SNTG2: variants seen among roughly 807,000 people sequenced by gnomAD.
The protein encoded by SNTG2 is gamma-2-syntrophin.
A neutral mutation model predicts 70.9 loss-of-function variants in SNTG2; 74 were observed. The ratio of observed to expected loss-of-function variants is 1.04; its 90% confidence interval spans 0.86 to 1.27. The LOEUF is 1.27. Ranked by LOEUF, SNTG2 falls within the 50% of genes most tolerant of loss-of-function variation. The pLI, the probability that SNTG2 is intolerant of heterozygous loss-of-function variation, is 0.00. For synonymous variants in SNTG2, 278 were observed against 273.8 expected, an observed-to-expected ratio of 1.02 and a Z score of -0.15; for missense variants, 717 against 690.7, an observed-to-expected ratio of 1.04 and a Z score of -0.43.
intron 1 of SNTG2, among the ~76,000 whole-genome samples, chr2:958,063 G>A (rs2147942783): frequency 6.6e-6 from 1 of 152,136 alleles, no homozygotes; most frequent in African/African-American, 2.4e-5. Flanking sequence ...CTCTTTGGAG[G>A]GCTTCGTTCC....
intron 1 of SNTG2, among the ~76,000 whole-genome samples, chr2:1,045,362 G>A (rs1661675178): frequency 6.6e-6 from 1 of 151,720 alleles, no homozygotes; most frequent in East Asian, 1.9e-4. Context: ...ATCTCCTATG[G>A]TTTTTCACAT....
intron 16 of SNTG2, among the ~76,000 whole-genome samples, chr2:1,327,134 C>G (rs1360843728): frequency 6.6e-6 from 1 of 151,940 alleles, no homozygotes; most frequent in Non-Finnish European, 1.5e-5. Context: ...CTCTTAGTAG[C>G]CTTAATGTAT....
At chr2:1,230,914 G>A (rs1278472745) in intron 9 of SNTG2, among the ~76,000 whole-genome samples, 1 of 152,126 alleles carries the variant, frequency 6.6e-6, no homozygotes, top group Non-Finnish European at 1.5e-5. Flanking sequence ...TAGGGTCACT[G>A]CGAGGGTGAA....
intron 14 of SNTG2, among the ~76,000 whole-genome samples, chr2:1,302,250 C>T (rs184564263): frequency 2.4e-4 from 37 of 152,110 alleles, no homozygotes; most frequent in South Asian, 2.1e-3. Context: ...TGAGCCACCG[C>T]GCCCGGCCTG....
chr2:1,224,077 A>G (rs1266608037), intron 9 of SNTG2, among the ~76,000 whole-genome samples: 2 of 152,188 alleles, frequency 1.3e-5, no homozygotes, highest in Admixed American at 6.5e-5. Context: ...CTGTGGAGGA[A>G]GGGGTGAGGG....
intron 1 of SNTG2, among the ~76,000 whole-genome samples, chr2:985,112 A>G (rs536455759): frequency 2.4e-4 from 36 of 152,232 alleles, no homozygotes; most frequent in Admixed American, 2.1e-3. Flanking sequence ...GCAAATATAT[A>G]TCACTCTCAT....
intron 13 of SNTG2, among the ~76,000 whole-genome samples, chr2:1,261,611 G>A (rs1239154498): frequency 6.6e-6 from 1 of 152,090 alleles, no homozygotes; most frequent in African/African-American, 2.4e-5. Flanking sequence ...ACTATGGAGC[G>A]TCCTGTGTGA....
intron 1 of SNTG2, among the ~76,000 whole-genome samples, chr2:1,002,411 G>A (rs4260278): frequency 0.087 from 13,177 of 151,938 alleles, 763 homozygotes; most frequent in South Asian, 0.21. Flanking sequence ...AATAACAAAA[G>A]CAACCACTTA....
At chr2:1,098,800 C>T (rs113032921) in intron 4 of SNTG2, among the ~76,000 whole-genome samples, 337 of 152,294 alleles carry the variant, frequency 2.2e-3, no homozygotes, top group African/African-American at 7.8e-3. Flanking sequence ...AGCCTAAGAA[C>T]GTAATGAGCC....
rs1213879628 is a variant in SNTG2, at chr2:1,015,276, A to AT, written c.72+64208_72+64209insT. ...CCTCAAATGGATTCAATGTCTAGTTAAAGGCTTGATAGAAGGGATTTTTAG... is the reference window on the plus strand; with the variant it reads ...CCTCAAATGGATTCAATGTCTAGTTATAAGGCTTGATAGAAGGGATTTTTAG... On this transcript the variant is annotated intron_variant, in intron 1 of 16. Coordinates refer to ENST00000308624, the MANE Select transcript of SNTG2 (RefSeq NM_018968.4). 2.6e-5 allele frequency among the ~76,000 whole-genome samples: 4 copies of AT among 152,224 alleles called. No individual in the cohort carries two copies. In the East Asian group the frequency reaches 7.7e-4, roughly 29 times the overall value.
chr2:1,129,713 A>G (rs1667905992), intron 4 of SNTG2, among the ~76,000 whole-genome samples: 2 of 152,154 alleles, frequency 1.3e-5, no homozygotes, highest in African/African-American at 2.4e-5. Flanking sequence ...GGAAACCTCA[A>G]CCACTTCTGG....
chr2:1,093,040 C>T (rs1217374771), intron 2 of SNTG2, among the ~76,000 whole-genome samples: 3 of 152,134 alleles, frequency 2.0e-5, no homozygotes, highest in South Asian at 4.2e-4. Flanking sequence ...TTTTATGATA[C>T]ATTCGATTGT....
At chr2:1,044,882 G>A (rs769414030) in intron 1 of SNTG2, among the ~76,000 whole-genome samples, 5 of 152,018 alleles carry the variant, frequency 3.3e-5, no homozygotes, top group African/African-American at 1.2e-4. Flanking sequence ...AGAGGTTTTG[G>A]TATGATGCTG....
chr2:1,180,454 AAC>A (rs1321581819), intron 8 of SNTG2, among the ~76,000 whole-genome samples: 1 of 130,558 alleles, frequency 7.7e-6, no homozygotes, highest in South Asian at 2.6e-4. Flanking sequence ...GCAGCCAAAA[AAC>A]ACATGAAAAA....
chr2:977,028 T>C (rs936390134), intron 1 of SNTG2, among the ~76,000 whole-genome samples: 11 of 152,164 alleles, frequency 7.2e-5, no homozygotes, highest in Non-Finnish European at 5.9e-5. Context: ...GCAGACACCA[T>C]CGTATATGCC....
At chr2:1,041,328 T>C (rs1661422974) in intron 1 of SNTG2, among the ~76,000 whole-genome samples, 1 of 152,238 alleles carries the variant, frequency 6.6e-6, no homozygotes, top group Non-Finnish European at 1.5e-5. Context: ...TTTTAAAAGC[T>C]TTCAACTTAA....
At chr2:1,297,227 T>C (rs1206444940) in intron 14 of SNTG2, among the ~76,000 whole-genome samples, 4 of 152,252 alleles carry the variant, frequency 2.6e-5, no homozygotes, top group Admixed American at 2.6e-4. Flanking sequence ...AATAAGCTTT[T>C]CTGTCTTCAT....
At position 1,274,217 on chromosome 2, in the gene SNTG2, G is replaced by A. The variant is rs73908804; in HGVS notation, c.1284+6646G>A. 4.5e-3 allele frequency among the ~76,000 whole-genome samples: 688 copies of A among 152,316 alleles called. 5 individuals carry two copies. The highest frequency in any genetic ancestry group is 0.016 in the African/African-American group (658 of 41,558). ...AAAATGGCACACCCAGCTTGACAGT[G>A]TCTTAAATGTAAAGACAAATTCGCC... On this transcript the variant is annotated intron_variant, in intron 14 of 16. Transcript: ENST00000308624.
chr2:1,200,046 C>T (rs1673180013), intron 8 of SNTG2, among the ~76,000 whole-genome samples: 1 of 151,740 alleles, frequency 6.6e-6, no homozygotes, highest in South Asian at 2.1e-4. Context: ...CACAAGAGAG[C>T]ATGAATAGCC....
Sources: allele counts gnomAD v4.1 joint callset (sites outside exome capture counted in the v4.1 genomes callset), GRCh38; gene constraint gnomAD v4.1.1; transcripts MANE v1.5; gene names NCBI Gene and HGNC (gene_info 2026-07-23, HGNC 2026-07-21).